Variants in RC3H2 observed in about 807,000 individuals in gnomAD.
RC3H2 encodes roquin-2.
RC3H2 carries 31 observed loss-of-function variants against 133.3 expected under a neutral mutation model. The observed-to-expected ratio is 0.23, with a 90% CI of 0.17 to 0.31. The LOEUF is 0.31. Ranked by LOEUF, RC3H2 falls within the 10% of genes least tolerant of loss-of-function variation. The pLI is 1.00. For missense variants in RC3H2, 1,175 were observed against 1,437.2 expected (o/e 0.82, Z 2.95); for synonymous variants, 517 against 502.2 (o/e 1.03, Z -0.40).
In RC3H2 at chr9:122,905,327, T is replaced by C. The variant is rs562809621; in HGVS notation, c.-285A>G. The C allele has an allele frequency of 2.7e-4, 263 of 977,372 alleles. 2 individuals are homozygous for C. The East Asian group carries it at 0.02, about 74-fold the overall frequency. The allele number at this position is 977,372 out of a possible 1,614,324, so 60.5% of individuals were successfully genotyped here. A position where few individuals can be genotyped will look rare whatever the true frequency, so the allele number is the denominator to read the frequency against. ...CTCCACCTCCGCCTCCTCCTCCTCCTCCTCCTCACCACGGAGGCGGACCTG... is the reference window on the plus strand; with the variant it reads ...CTCCACCTCCGCCTCCTCCTCCTCCCCCTCCTCACCACGGAGGCGGACCTG... On this transcript the variant is annotated 5_prime_UTR_variant, in exon 1 of 21. Coordinates refer to ENST00000357244, the MANE Select transcript of RC3H2 (RefSeq NM_001100588.3).
intron 10 of RC3H2, among the ~76,000 whole-genome samples, chr9:122,862,577 A>G (rs1486146416): frequency 6.6e-6 from 1 of 152,222 alleles, no homozygotes; most frequent in African/African-American, 2.4e-5. Context: ...CTGTGTTCCA[A>G]TAAAAATTTA....
Position 122,854,625 on chromosome 9 carries a change from T to G in RC3H2, c.2816-10A>C, listed in dbSNP as rs779971639. On this transcript the variant is annotated splice_polypyrimidine_tract_variant and intron_variant, in intron 15 of 20. Coordinates refer to ENST00000357244, the MANE Select transcript of RC3H2 (RefSeq NM_001100588.3). ...ACATAAGGGACATAATCTACAGACA[T>G]GTAGAATGAAACAATGGTCAAAAAA... is the stretch of plus-strand genomic sequence containing the variant. 6.3e-7 allele frequency: 1 copy of G among 1,593,390 alleles called. No homozygotes were observed. The highest frequency in any genetic ancestry group is 1.3e-5 in the African/African-American group (1 of 74,484).
intron 9 of RC3H2, among the ~76,000 whole-genome samples, chr9:122,868,838 T>A (rs1174107778): frequency 9.2e-6 from 1 of 109,186 alleles, no homozygotes; most frequent in African/African-American, 3.9e-5. Flanking sequence ...TTCCCTCCTA[T>A]ATGTGTGTGT....
intron 4 of RC3H2, among the ~76,000 whole-genome samples, chr9:122,884,227 A>G (rs1831791590): frequency 6.6e-6 from 1 of 152,012 alleles, no homozygotes; most frequent in Non-Finnish European, 1.5e-5. Flanking sequence ...TGGGAGGTGG[A>G]GCTTGCAGTG....
chr9:122,893,606 A>G (rs1832287812), intron 2 of RC3H2, among the ~76,000 whole-genome samples: 1 of 152,184 alleles, frequency 6.6e-6, no homozygotes, highest in African/African-American at 2.4e-5. Context: ...TATCGATGCT[A>G]ATTTCTTGGT....
chr9:122,853,395 A>AAAG (rs1830125652), intron 18 of RC3H2, among the ~76,000 whole-genome samples: 5 of 140,020 alleles, frequency 3.6e-5, no homozygotes, highest in Admixed American at 3.4e-4. Context: ...AAAAAAAAAA[A>AAAG]AAGAAAAATA....
At chr9:122,891,012 ATTTTTT>A (rs10571749) in intron 3 of RC3H2, among the ~76,000 whole-genome samples, 3 of 72,820 alleles carry the variant, frequency 4.1e-5, no homozygotes, top group Non-Finnish European at 7.8e-5. Context: ...AATCTGCCCC[ATTTTTT>A]TTTTTTTTTT....
Position 122,890,446 on chromosome 9 carries a change from C to T in RC3H2, c.449G>A (p.Arg150Lys). The change falls in exon 4 of 21, where the codon AGA (arginine) becomes AAA (lysine). Residue 150 changes from arginine to lysine, a missense_variant. Arg to Lys is a conservative substitution (Grantham distance 26). Coordinates refer to ENST00000357244, the MANE Select transcript of RC3H2 (RefSeq NM_001100588.3). ...CQLVEEEGRVRAMRAARSLGE... is the reference protein window; with the variant it reads ...CQLVEEEGRVKAMRAARSLGE... ...AAGGGAACGAGCTGCTCGCATGGCT[C>T]TTACACGACCTTCTTCCTCCACCAG... 1 of 1,614,210 alleles carries T rather than the reference C, an allele frequency of 6.2e-7. No homozygotes were observed. The highest frequency in any genetic ancestry group is 2.2e-5 in the East Asian group (1 of 44,882).
chr9:122,902,016 G>A (rs969927580), intron 1 of RC3H2, among the ~76,000 whole-genome samples: 4 of 145,870 alleles, frequency 2.7e-5, no homozygotes, highest in Non-Finnish European at 4.5e-5. Flanking sequence ...TGCAACCTCC[G>A]TCTCCCGGGT....
At chr9:122,894,878 TCAA>T (rs974896470) in intron 2 of RC3H2, among the ~76,000 whole-genome samples, 9 of 152,072 alleles carry the variant, frequency 5.9e-5, no homozygotes, top group East Asian at 1.9e-4. Context: ...AGATTCCATC[TCAA>T]CAACAACAAC....
chr9:122,895,573 AAATTAAGATAC>A (rs1330768292), intron 2 of RC3H2, among the ~76,000 whole-genome samples: 2 of 152,246 alleles, frequency 1.3e-5, no homozygotes, highest in African/African-American at 4.8e-5. Context: ...ACTGGCAATT[AAATTAAGATAC>A]ACTATCAATT....
At chr9:122,884,986 C>T (rs903786295) in intron 4 of RC3H2, among the ~76,000 whole-genome samples, 3 of 151,796 alleles carry the variant, frequency 2.0e-5, no homozygotes, top group African/African-American at 4.8e-5. Flanking sequence ...ATGACTAAAA[C>T]GTATAGAAAG....
intron 9 of RC3H2, chr9:122,873,760 GTAAA>G (rs1831208479): frequency 6.6e-6 from 1 of 151,972 alleles, no homozygotes; most frequent in African/African-American, 2.4e-5. Context: ...AAACACACAT[GTAAA>G]TAAACAATTA....
intron 13 of RC3H2, among the ~76,000 whole-genome samples, chr9:122,856,083 C>T (rs1830237972): frequency 6.6e-6 from 1 of 151,934 alleles, no homozygotes; most frequent in African/African-American, 2.4e-5. Context: ...TCACTTTGTC[C>T]TTTAAGTGCT....
At chr9:122,863,427 A>G (rs989689025) in intron 10 of RC3H2, among the ~76,000 whole-genome samples, 1 of 152,216 alleles carries the variant, frequency 6.6e-6, no homozygotes, top group African/African-American at 2.4e-5. Context: ...CTTCAGATCT[A>G]AAAGACTGGT....
At chr9:122,870,404 AC>A (rs1407478886) in intron 9 of RC3H2, among the ~76,000 whole-genome samples, 31,516 of 130,868 alleles carry the variant, frequency 0.24, 4,630 homozygotes, top group Non-Finnish European at 0.34. Context: ...AAACAAACAA[AC>A]AAACAAACAA....
chr9:122,869,869 C>A (rs1431784578), intron 9 of RC3H2, among the ~76,000 whole-genome samples: 1 of 152,086 alleles, frequency 6.6e-6, no homozygotes, highest in Non-Finnish European at 1.5e-5. Flanking sequence ...TGTGCCTGGC[C>A]AACATCATCT....
At chr9:122,876,441 A>G (rs1202665261) in intron 9 of RC3H2, among the ~76,000 whole-genome samples, 2 of 152,132 alleles carry the variant, frequency 1.3e-5, no homozygotes, top group Non-Finnish European at 2.9e-5. Flanking sequence ...CCGCCTGGTG[A>G]ACATGGTGAA....
chr9:122,878,492 G>A (rs1019239974), intron 8 of RC3H2, among the ~76,000 whole-genome samples: 16 of 151,706 alleles, frequency 1.1e-4, no homozygotes, highest in Non-Finnish European at 7.4e-5. Context: ...GGATGGTCTC[G>A]ATCTCCTGAC....
Sources: allele counts gnomAD v4.1 joint callset (sites outside exome capture counted in the v4.1 genomes callset), GRCh38; gene constraint gnomAD v4.1.1; transcripts MANE v1.5; gene names NCBI Gene and HGNC (gene_info 2026-07-23, HGNC 2026-07-21).